The following CBFB variants were observed in gnomAD, a reference collection of about 807,000 sequenced individuals.
CBFB encodes the protein CBF-beta.
Under a neutral mutation model 30.4 loss-of-function variants are expected in CBFB, and 9 were observed. That is an observed-to-expected ratio of 0.30 (90% confidence interval 0.18 to 0.52). The LOEUF (loss-of-function observed/expected upper bound fraction) is 0.52. Among genes scored for constraint, CBFB ranks in the 20% least tolerant of loss-of-function variants. The probability of loss-of-function intolerance (pLI) is 0.97; values close to 1 mark genes in which losing one functional copy is unlikely to be tolerated. For missense variants in CBFB, 170 were observed against 244.0 expected, an observed-to-expected ratio of 0.70 and a Z score of 2.02; for synonymous variants, 94 against 84.0, an observed-to-expected ratio of 1.12 and a Z score of -0.65.
intron 5 of CBFB, among the ~76,000 whole-genome samples, chr16:67,095,852 C>T (rs1483701985): frequency 6.6e-6 from 1 of 151,930 alleles, no homozygotes; most frequent in Non-Finnish European, 1.5e-5. Context: ...GCCACCACAC[C>T]CAGCTAATTT....
chr16:67,081,408 A>G (rs917363547), intron 4 of CBFB, among the ~76,000 whole-genome samples: 5 of 151,964 alleles, frequency 3.3e-5, no homozygotes, highest in African/African-American at 1.2e-4. Flanking sequence ...AAGACTTGGA[A>G]CCAACCCAGA....
intron 4 of CBFB, among the ~76,000 whole-genome samples, chr16:67,079,450 T>C (rs932978064): frequency 1.3e-4 from 19 of 151,134 alleles, no homozygotes; most frequent in Non-Finnish European, 2.1e-4. Flanking sequence ...GAACAAGATA[T>C]CCAGCAGTAC....
rs1966289286 is a variant in CBFB, at chr16:67,029,411, C to G, written c.4C>G (p.Pro2Ala). ...GGCGCGGCCTCAGGGCGGGAAGATG[C>G]CGCGCGTCGTGCCCGACCAGAGAAG... MPRVVPDQRSKF... is the reference protein window; with the variant it reads MARVVPDQRSKF... Residue 2 changes from proline (P) to alanine (A), a missense_variant, in exon 1 of 6, where the codon CCG becomes GCG. Physicochemically the swap from Pro to Ala is conservative, Grantham distance 27. Coordinates refer to ENST00000412916, the MANE Select transcript of CBFB (RefSeq NM_022845.3). 6.4e-7 allele frequency: 1 copy of G among 1,559,524 alleles called. No individual in the cohort carries two copies. Among genetic ancestry groups the G allele is most frequent in the Non-Finnish European group, 8.6e-7 (1 of 1,156,100 alleles).
intron 3 of CBFB, among the ~76,000 whole-genome samples, chr16:67,061,191 C>T (rs1312177452): frequency 1.3e-5 from 2 of 152,120 alleles, no homozygotes; most frequent in Admixed American, 6.6e-5. Flanking sequence ...CTTACTTTTC[C>T]AGAAGAACAC....
chr16:67,035,628 G>A (rs1195285672), intron 2 of CBFB, among the ~76,000 whole-genome samples: 1 of 152,134 alleles, frequency 6.6e-6, no homozygotes, highest in Non-Finnish European at 1.5e-5. Context: ...TAGCTAACTT[G>A]GTTGATGGCT....
intron 3 of CBFB, among the ~76,000 whole-genome samples, chr16:67,051,163 A>G (rs1263002405): frequency 6.6e-6 from 1 of 152,180 alleles, no homozygotes; most frequent in Non-Finnish European, 1.5e-5. Context: ...TTCATTTGTT[A>G]GATGTGTCTT....
intron 3 of CBFB, among the ~76,000 whole-genome samples, chr16:67,060,721 A>T (rs927298703): frequency 6.6e-6 from 1 of 151,910 alleles, no homozygotes; most frequent in African/African-American, 2.4e-5. Flanking sequence ...ACGCCCAGCT[A>T]ATTTTGTATT....
At chr16:67,066,596 T>C (rs1961067415) in intron 3 of CBFB, 86 bp from the exon 4 acceptor site, 4 of 681,276 alleles carry the variant, frequency 5.9e-6, no homozygotes, top group Non-Finnish European at 1.0e-5. Context: ...TCATCTTTTC[T>C]ACAGAGTTTA....
At chr16:67,091,616 G>C (rs1266820328) in intron 5 of CBFB, among the ~76,000 whole-genome samples, 1 of 152,120 alleles carries the variant, frequency 6.6e-6, no homozygotes, top group Non-Finnish European at 1.5e-5. Context: ...GTTTTCCTTA[G>C]GTTGCATACT....
chr16:67,072,618 C>T (rs913881494), intron 4 of CBFB, among the ~76,000 whole-genome samples: 4 of 152,098 alleles, frequency 2.6e-5, no homozygotes, highest in African/African-American at 9.7e-5. Flanking sequence ...AGGCATGTGC[C>T]ACCATGCCCG....
At chr16:67,054,173 C>G (rs1014518884) in intron 3 of CBFB, among the ~76,000 whole-genome samples, 3 of 151,874 alleles carry the variant, frequency 2.0e-5, no homozygotes, top group Admixed American at 6.6e-5. Flanking sequence ...TTCTGTCTTC[C>G]TGTTTCTTGG....
In CBFB at chr16:67,064,223, T is replaced by C. The variant is rs143430871; in HGVS notation, c.283-2459T>C. Among the ~76,000 whole-genome samples the C allele has an allele frequency of 4.4e-3, 663 of 152,330 alleles. 9 individuals are homozygous for C. Among genetic ancestry groups the C allele is most frequent in the African/African-American group, 0.016 (645 of 41,578 alleles). On this transcript the variant is annotated intron_variant, in intron 3 of 5. Transcript: ENST00000412916. ...ATGTGTTTTGTTTGTTTATTTGTTT[T>C]TGAGACAGAGTCTAGCTTTGTCACC...
intron 3 of CBFB, among the ~76,000 whole-genome samples, chr16:67,048,401 T>G (rs2145727530): frequency 6.6e-6 from 1 of 152,318 alleles, no homozygotes; most frequent in Admixed American, 6.5e-5. Context: ...AGAATTGAGC[T>G]TTTTGGTTCT....
Position 67,029,163 on chromosome 16 carries a change from C to T in CBFB, c.-245C>T, listed in dbSNP as rs1055782327. On this transcript the variant is annotated 5_prime_UTR_variant, in exon 1 of 6. Coordinates refer to ENST00000412916, the MANE Select transcript of CBFB (RefSeq NM_022845.3). ...CGGCCGGGGGCGGTGAGCGCTGGGGCTGCGCGGGCGGCAGGCAACGGCTGA... is the reference window on the plus strand; with the variant it reads ...CGGCCGGGGGCGGTGAGCGCTGGGGTTGCGCGGGCGGCAGGCAACGGCTGA... The T allele has an allele frequency of 4.1e-5, 7 of 170,156 alleles. No individual in the cohort carries two copies. The highest frequency in any genetic ancestry group is 8.1e-5 in the Non-Finnish European group (7 of 85,930). The allele number at this position is 170,156 out of a possible 1,614,324, so 10.5% of individuals were successfully genotyped here. A position where few individuals can be genotyped will look rare whatever the true frequency, so the allele number is the denominator to read the frequency against.
rs1966445636 is a variant in CBFB, at chr16:67,036,759, G to A, written c.282+4G>A. On this transcript the variant is annotated splice_donor_region_variant and intron_variant, in intron 3 of 5. Transcript: ENST00000412916. ...CTTAGAAAGAGAAGCAGGCAAGGTA[G>A]GAAACATTTCTTTGCAATTTAAAAT... 2.0e-6 allele frequency: 3 copies of A among 1,533,786 alleles called. No individual in the cohort carries two copies. The highest frequency in any genetic ancestry group is 3.3e-5 in the Admixed American group (2 of 59,838).
intron 5 of CBFB, among the ~76,000 whole-genome samples, chr16:67,094,117 C>CTTTT (rs757109594): frequency 4.6e-5 from 6 of 130,556 alleles, no homozygotes; most frequent in African/African-American, 9.1e-5. Context: ...CTTCCTCCCT[C>CTTTT]TTTTTTTTTT....
Position 67,066,920 on chromosome 16 carries a change from T to C in CBFB, c.399+122T>C, listed in dbSNP as rs538905554. On this transcript the variant is annotated intron_variant, in intron 4 of 5. Coordinates refer to ENST00000412916, the MANE Select transcript of CBFB (RefSeq NM_022845.3). The stretch of plus-strand genomic sequence containing the variant: ...TAGAAAGTATTGTGTTGAAGCAATA[T>C]TGAGGAATCCTGAAAATGTTGATAC... The C allele has an allele frequency of 6.7e-5, 36 of 537,524 alleles. No homozygotes were observed. The East Asian group carries it at 1.1e-3, about 16-fold the overall frequency. The allele number at this position is 537,524 out of a possible 1,614,324, so 33.3% of individuals were successfully genotyped here.
intron 3 of CBFB, among the ~76,000 whole-genome samples, chr16:67,055,357 C>CTTTCTTTTTTTTTTTTT (rs1484285498): frequency 3.7e-5 from 3 of 81,474 alleles, no homozygotes; most frequent in African/African-American, 1.6e-4. Context: ...CAGACACTTT[C>CTTTCTTTTTTTTTTTTT]TTTTTTTTTT....
intron 4 of CBFB, among the ~76,000 whole-genome samples, chr16:67,075,094 G>A (rs762123618): frequency 4.6e-5 from 7 of 152,036 alleles, no homozygotes; most frequent in Non-Finnish European, 7.4e-5. Context: ...GGAGGCTGAG[G>A]CAGGAGAAGC....
Sources: allele counts gnomAD v4.1 joint callset (sites outside exome capture counted in the v4.1 genomes callset), GRCh38; gene constraint gnomAD v4.1.1; transcripts MANE v1.5; gene names NCBI Gene and HGNC (gene_info 2026-07-23, HGNC 2026-07-21).